Variants in GDA observed in about 807,000 individuals in gnomAD.
GDA encodes the protein cytoplasmic PSD-95 interactor.
Under a neutral mutation model 59.6 loss-of-function variants are expected in GDA, and 18 were observed. That is an observed-to-expected ratio of 0.30 (90% confidence interval 0.21 to 0.45). The LOEUF (loss-of-function observed/expected upper bound fraction) is 0.45, where lower values mean the gene tolerates loss of function less well. GDA is among the 20% of genes least tolerant of loss of function. The pLI is 1.00. For missense variants in GDA, 427 were observed against 552.3 expected (o/e 0.77, Z 2.27); for synonymous variants, 201 against 201.1 (o/e 1.00, Z 0.00).
chr9:72,249,844 C>T lies in GDA; in HGVS notation c.*1502C>T, dbSNP rs542134716. 7.6e-4 allele frequency: 735 copies of T among 961,462 alleles called. No homozygotes were observed. The highest frequency in any genetic ancestry group is 8.3e-4 in the Non-Finnish European group (672 of 808,292). The allele number at this position is 961,462 out of a possible 1,614,324, so 59.6% of individuals were successfully genotyped here. A position where few individuals can be genotyped will look rare whatever the true frequency, so the allele number is the denominator to read the frequency against. Reference sequence around the variant, plus strand: ...ACTCCGTATTTACAGAACAAAAAAACACAGTTCCCCCTCCTGTAGTATAAA... The same window carrying T: ...ACTCCGTATTTACAGAACAAAAAAATACAGTTCCCCCTCCTGTAGTATAAA... On this transcript the variant is annotated 3_prime_UTR_variant, in exon 14 of 14. Coordinates refer to ENST00000358399, the MANE Select transcript of GDA (RefSeq NM_004293.5).
At chr9:72,153,932 G>A (rs10869131) in intron 1 of GDA, among the ~76,000 whole-genome samples, 28,016 of 151,134 alleles carry the variant, frequency 0.19, 2,927 homozygotes, top group African/African-American at 0.3. Context: ...CCTGCACATT[G>A]TGCACATGTA....
At position 72,205,114 on chromosome 9, in the gene GDA, A is replaced by AAG. The variant is rs1207268568; in HGVS notation, c.384+2373_384+2374insGA. Among the ~76,000 whole-genome samples the AAG allele has an allele frequency of 3.8e-4, 58 of 151,062 alleles. 1 individual carries two copies. The highest frequency in any genetic ancestry group is 3.4e-3 in the Middle Eastern group (1 of 294). ...TGACAGAGTGAGACTCTGTCTCAAA[A>AAG]AAAAAAAAAAAAAAAAAATTGCGGA... On this transcript the variant is annotated intron_variant, in intron 3 of 13. Transcript: ENST00000358399.
intron 12 of GDA, among the ~76,000 whole-genome samples, chr9:72,245,905 A>T (rs919587661): frequency 6.6e-6 from 1 of 152,220 alleles, no homozygotes; most frequent in Non-Finnish European, 1.5e-5. Context: ...TCCTTGTAAG[A>T]TATTGAGTTC....
At chr9:72,212,326 C>T (rs1022754486) in intron 4 of GDA, among the ~76,000 whole-genome samples, 8 of 151,872 alleles carry the variant, frequency 5.3e-5, no homozygotes, top group Admixed American at 2.0e-4. Context: ...ACTAAAAATA[C>T]AAAAAATTAA....
At chr9:72,223,008 C>G (rs1196908949) in intron 6 of GDA, 112 bp from the exon 7 acceptor site, 6 of 612,270 alleles carry the variant, frequency 9.8e-6, no homozygotes, top group African/African-American at 1.9e-5. Flanking sequence ...ACACCTGGCC[C>G]TTCCAGGGTT....
upstream of GDA, among the ~76,000 whole-genome samples, chr9:72,148,280 C>T (rs1386530572): frequency 6.6e-6 from 1 of 150,762 alleles, no homozygotes; most frequent in African/African-American, 2.4e-5. Flanking sequence ...ATTCCCTGCT[C>T]CTGTGGTGCT....
intron 1 of GDA, among the ~76,000 whole-genome samples, chr9:72,172,508 A>G (rs1052435331): frequency 1.3e-5 from 2 of 152,154 alleles, no homozygotes; most frequent in African/African-American, 4.8e-5. Context: ...TTGGGCCTGC[A>G]CACTTTGGCT....
intron 1 of GDA, among the ~76,000 whole-genome samples, chr9:72,168,254 G>T (rs1829549612): frequency 6.6e-6 from 1 of 151,996 alleles, no homozygotes. Context: ...AAAAACACGA[G>T]CTGGGCATAG....
At chr9:72,214,140 G>C (rs886284694) in intron 5 of GDA, 149 bp downstream of exon 5, 3 of 579,222 alleles carry the variant, frequency 5.2e-6, no homozygotes, top group Non-Finnish European at 6.2e-6. Flanking sequence ...TAATGCAATG[G>C]GTCGGTTAGT....
rs1275911128 is a variant in GDA, at chr9:72,142,540, T to C, written c.-100+27707T>C. Among the ~76,000 whole-genome samples the C allele has an allele frequency of 2.0e-5, 3 of 149,888 alleles. No homozygotes were observed. The East Asian group carries it at 6.1e-4, about 30-fold the overall frequency. ...GTGAGCCGAGATCGTGCCACTGAAC[T>C]CCAGCCTGGGCAACAGAGCAAGACT... On this transcript the variant is annotated intron_variant, in intron 1 of 13. Transcript: ENST00000545168.
chr9:72,139,314 G>A (rs1826360058), intron 1 of GDA, among the ~76,000 whole-genome samples: 1 of 152,070 alleles, frequency 6.6e-6, no homozygotes. Context: ...TATATGTTCT[G>A]GGCCATTAAA....
chr9:72,137,926 T>G (rs1006563169), intron 1 of GDA, among the ~76,000 whole-genome samples: 2 of 152,194 alleles, frequency 1.3e-5, no homozygotes, highest in African/African-American at 4.8e-5. Flanking sequence ...TGAGAAAGGC[T>G]TCTGGCCGAG....
At chr9:72,172,369 T>A (rs1435341499) in intron 1 of GDA, among the ~76,000 whole-genome samples, 1 of 152,214 alleles carries the variant, frequency 6.6e-6, no homozygotes, top group East Asian at 1.9e-4. Context: ...TCTCATTTGT[T>A]CTTCTGAGGA....
chr9:72,176,647 C>T (rs146800368), intron 1 of GDA, among the ~76,000 whole-genome samples: 8 of 152,088 alleles, frequency 5.3e-5, no homozygotes, highest in Non-Finnish European at 1.0e-4. Context: ...CCACTTATAT[C>T]CAGTGTTAAT....
chr9:72,205,629 C>T (rs1234568397), intron 3 of GDA, among the ~76,000 whole-genome samples: 1 of 152,148 alleles, frequency 6.6e-6, no homozygotes, highest in Non-Finnish European at 1.5e-5. Context: ...TTGCCTTATT[C>T]AAACTTGTTC....
At position 72,151,693 on chromosome 9, in the gene GDA, T is replaced by C. The variant is rs541002592; in HGVS notation, c.123+2011T>C. ...CTTGATCTTGGCTCACTGCAAGCTC[T>C]GCCTCCCGGGTTCATGCCATTCTCC... On this transcript the variant is annotated intron_variant, in intron 1 of 13. Transcript: ENST00000358399. 1.3e-4 allele frequency among the ~76,000 whole-genome samples: 19 copies of C among 151,874 alleles called. No individual in the cohort carries two copies. In the South Asian group the frequency reaches 4.0e-3, roughly 32 times the overall value.
chr9:72,192,795 A>G (rs904293699), intron 1 of GDA, among the ~76,000 whole-genome samples: 1 of 151,638 alleles, frequency 6.6e-6, no homozygotes, highest in African/African-American at 2.4e-5. Context: ...CACAGGAATC[A>G]CTTGAACCCA....
chr9:72,182,198 C>G (rs1395057691), intron 1 of GDA, among the ~76,000 whole-genome samples: 1 of 152,126 alleles, frequency 6.6e-6, no homozygotes, highest in Non-Finnish European at 1.5e-5. Context: ...ATCTGTAGAC[C>G]CATTCAAACT....
At chr9:72,241,027 A>G in intron 10 of GDA, 125 bp from the exon 11 acceptor site, 1 of 555,624 alleles carries the variant, frequency 1.8e-6, no homozygotes, top group Non-Finnish European at 3.0e-6. Context: ...TTGTGTTTAT[A>G]GTTAAGAGCT....
Sources: allele counts gnomAD v4.1 joint callset (sites outside exome capture counted in the v4.1 genomes callset), GRCh38; gene constraint gnomAD v4.1.1; transcripts MANE v1.5; gene names NCBI Gene and HGNC (gene_info 2026-07-23, HGNC 2026-07-21).